Variants in RPS7 observed in about 807,000 individuals in gnomAD.
The protein encoded by RPS7 is ribosomal protein S7.
RPS7 carries 1 observed loss-of-function variant against 22.1 expected under a neutral mutation model. The observed-to-expected ratio is 0.05, with a 90% confidence interval of 0.02 to 0.21. The LOEUF is 0.21. Among genes scored for constraint, RPS7 ranks in the 10% least tolerant of loss-of-function variants. The pLI is 1.00. For missense variants in RPS7, 137 were observed against 246.4 expected (o/e 0.56, Z 2.97); for synonymous variants, 80 against 92.0 (o/e 0.87, Z 0.74).
intron 6 of RPS7, chr2:3,580,563 G>A: frequency 1.6e-6 from 1 of 622,150 alleles, no homozygotes; most frequent in South Asian, 2.0e-5. Flanking sequence ...GTCTTGGGGG[G>A]ACATAACCAT....
Position 3,580,218 on chromosome 2 carries a change from G to C in RPS7, c.465G>C (p.Lys155Asn). The change falls in exon 6 of 7, where the codon AAG becomes AAC. Residue 155 changes from lysine to asparagine, a missense_variant. Transcript: ENST00000645674. ...RVKLDGSRLI[K>N]VHLDKAQQNN... The stretch of plus-strand genomic sequence containing the variant: ...AACTAGATGGCAGCCGGCTCATAAA[G>C]GTTCATTTGGACAAAGCACAGCAGA... The C allele has an allele frequency of 6.2e-7, 1 of 1,613,600 alleles. No homozygotes were observed.
intron 3 of RPS7, 56 bp from the exon 4 acceptor site, chr2:3,576,431 C>T (rs1422359143): frequency 2.0e-6 from 3 of 1,516,592 alleles, no homozygotes; most frequent in Admixed American, 3.3e-5. Flanking sequence ...CTAATTTGAC[C>T]ACAACGTTTA....
chr2:3,576,737 A>C (rs1272775767), intron 4 of RPS7, 107 bp downstream of exon 4: 1 of 1,298,838 alleles, frequency 7.7e-7, no homozygotes, highest in Non-Finnish European at 1.1e-6. Flanking sequence ...CCTTTTATGA[A>C]TCCAATTGGG....
intron 4 of RPS7, chr2:3,577,287 G>GAT (rs1420011483): frequency 3.7e-5 from 7 of 188,718 alleles, no homozygotes; most frequent in African/African-American, 1.4e-4. Flanking sequence ...AGTGAGCCGA[G>GAT]ATCCCGCCAC....
chr2:3,576,067 C>T, intron 3 of RPS7, 179 bp downstream of exon 3: 1 of 656,778 alleles, frequency 1.5e-6, no homozygotes, highest in Non-Finnish European at 2.8e-6. Flanking sequence ...AGTGGGGTTG[C>T]AGGTACCCTG....
chr2:3,575,706 C>T (rs1357656406), intron 2 of RPS7, 22 bp downstream of exon 2: 4 of 1,571,432 alleles, frequency 2.5e-6, no homozygotes, highest in Non-Finnish European at 3.5e-6. Flanking sequence ...TCCCTGGGGT[C>T]TGGGGTGGGG....
At chr2:3,576,856 G>A in intron 4 of RPS7, 2 of 625,490 alleles carry the variant, frequency 3.2e-6, no homozygotes, top group Non-Finnish European at 5.8e-6. Flanking sequence ...AACATGGTAA[G>A]ACCCTGTCTA....
Position 3,580,199 on chromosome 2 carries a change from A to G in RPS7, c.446A>G (p.Asp149Gly). ...IVGKRIRVKLDGSRLIKVHLD... is the reference protein window; with the variant it reads ...IVGKRIRVKLGGSRLIKVHLD... ...GGCAAGAGAATCCGCGTCAAACTAG[A>G]TGGCAGCCGGCTCATAAAGGTTCAT... Residue 149 changes from aspartate (D) to glycine (G), a missense_variant, in exon 6 of 7, where the codon GAT becomes GGT. Physicochemically the swap from Asp to Gly is moderately conservative, Grantham distance 94. Around this residue, in one of 2 missense-constraint regions of RPS7, gnomAD observed 74 missense variants for 171.4 expected, o/e 0.43. Coordinates refer to ENST00000645674, the MANE Select transcript of RPS7 (RefSeq NM_001011.4). The G allele has an allele frequency of 6.2e-7, 1 of 1,613,554 alleles. No homozygotes were observed. The highest frequency in any genetic ancestry group is 1.7e-5 in the Admixed American group (1 of 59,942).
At position 3,577,745 on chromosome 2, in the gene RPS7, T is replaced by C. The variant is rs1661316408; in HGVS notation, c.327T>C (p.Arg109=). Reference sequence around the variant, plus strand: ...TGCCTAAGCCAACTCGAAAAAGCCGTACAAAAAATAAGCAAAAGCGTCCCA... The same window carrying C: ...TGCCTAAGCCAACTCGAAAAAGCCGCACAAAAAATAAGCAAAAGCGTCCCA... ...RILPKPTRKS[R]TKNKQKRPRS... The change falls in exon 5 of 7, where the codon CGT becomes CGC. Residue 109 remains arginine (R), a synonymous_variant. Transcript: ENST00000645674. 1.9e-6 allele frequency: 3 copies of C among 1,613,110 alleles called. No individual in the cohort carries two copies. In the South Asian group the frequency reaches 3.3e-5, roughly 18 times the overall value.
chr2:3,580,412 T>C lies in RPS7; in HGVS notation c.507+152T>C, dbSNP rs897214835. ...CTTCAGCCTGCTCTCCTTTGGATTA[T>C]GTGTCAGGTGTTAAATGGAGATGTT... On this transcript the variant is annotated intron_variant, in intron 6 of 6. Coordinates refer to ENST00000645674, the MANE Select transcript of RPS7 (RefSeq NM_001011.4). 1.4e-5 allele frequency: 10 copies of C among 740,588 alleles called. No individual in the cohort carries two copies. The African/African-American group carries it at 1.6e-4, about 12-fold the overall frequency. 45.9% of individuals were successfully genotyped at this position (740,588 alleles called of 1,614,324 possible).
rs1159803152 is a variant in RPS7, at chr2:3,578,099, G to A, written c.356+325G>A. ...ATAGCATGCTAGACACAGTTGACAT[G>A]GGCTTGGATTTATCTTTGATTTTTA... On this transcript the variant is annotated intron_variant, in intron 5 of 6. Coordinates refer to ENST00000645674, the MANE Select transcript of RPS7 (RefSeq NM_001011.4). The A allele has an allele frequency of 1.6e-5, 4 of 245,640 alleles. No individual in the cohort carries two copies. The East Asian group carries it at 2.5e-4, about 16-fold the overall frequency. The allele number at this position is 245,640 out of a possible 1,614,324, so 15.2% of individuals were successfully genotyped here.
Position 3,575,322 on chromosome 2 carries a change from G to A in RPS7, c.-47G>A. 2 of 494,192 alleles carry A rather than the reference G, an allele frequency of 4.0e-6. No individual in the cohort carries two copies. The highest frequency in any genetic ancestry group is 7.2e-6 in the Non-Finnish European group (2 of 276,858). 30.6% of individuals were successfully genotyped at this position (494,192 alleles called of 1,614,324 possible). On this transcript the variant is annotated 5_prime_UTR_variant, in exon 1 of 7. Coordinates refer to ENST00000645674, the MANE Select transcript of RPS7 (RefSeq NM_001011.4). ...TTTTGACGTGCTCTCGCGAGATTTG[G>A]GTCTCTTCCTAAGCCGGCGCTCGGC...
chr2:3,576,073 C>G (rs1661271718), intron 3 of RPS7, 185 bp downstream of exon 3: 1 of 651,496 alleles, frequency 1.5e-6, no homozygotes, highest in Non-Finnish European at 2.8e-6. Context: ...GTTGCAGGTA[C>G]CCTGCGGCTT....
chr2:3,575,788 G>C (rs749847702), intron 2 of RPS7, 29 bp from the exon 3 acceptor site: 1 of 1,608,224 alleles, frequency 6.2e-7, no homozygotes, highest in Non-Finnish European at 8.5e-7. Context: ...GCGCGCTCAG[G>C]GTCGGTCCTG....
In RPS7 at chr2:3,580,905, T is replaced by C. The variant is rs1661392498; in HGVS notation, c.*23T>C. 2.3e-6 allele frequency: 3 copies of C among 1,305,646 alleles called. No individual in the cohort carries two copies. The highest frequency in any genetic ancestry group is 2.2e-6 in the Non-Finnish European group (2 of 907,950). The allele number at this position is 1,305,646 out of a possible 1,614,324, so 80.9% of individuals were successfully genotyped here. On this transcript the variant is annotated 3_prime_UTR_variant, in exon 7 of 7. Coordinates refer to ENST00000645674, the MANE Select transcript of RPS7 (RefSeq NM_001011.4). ...TAAACAAAAATGACTAAATAAAAAG[T>C]ATATATTCACAGTACTCTGTTTCAG... is the stretch of plus-strand genomic sequence containing the variant.
At chr2:3,576,337 C>G in intron 3 of RPS7, 150 bp from the exon 4 acceptor site, 1 of 766,508 alleles carries the variant, frequency 1.3e-6, no homozygotes, top group Non-Finnish European at 2.3e-6. Flanking sequence ...GAGAACATTT[C>G]CGAAGGATGC....
chr2:3,580,090 C>CT lies in RPS7; in HGVS notation c.357-16dup, dbSNP rs1314041858. ...GGGCAGGCGTTGCTAGGTTGCTTAC[C>CT]TTTTAAACTATTCTTTTAGCCGTAC... On this transcript the variant is annotated intron_variant, in intron 5 of 6. Transcript: ENST00000645674. The CT allele has an allele frequency of 1.7e-5, 27 of 1,613,386 alleles. No homozygotes were observed. The African/African-American group carries it at 3.5e-4, about 21-fold the overall frequency.
rs776384440 is a variant in RPS7 at position 3,576,618 on chromosome 2, C to T, written c.279C>T (p.Val93=). Residue 93 remains valine, a synonymous_variant, in exon 4 of 7, where the codon GTC becomes GTT. Transcript: ENST00000645674. ...LEKKFSGKHV[V]FIAQRRILPK... ...AAAAGTTCAGTGGGAAGCATGTCGT[C>T]TTTATCGCTCAGGTATCTGTTCTAC... is the stretch of plus-strand genomic sequence containing the variant. 7 of 1,614,186 alleles carry T rather than the reference C, an allele frequency of 4.3e-6. No individual in the cohort carries two copies. Among genetic ancestry groups the T allele is most frequent in the South Asian group, 2.2e-5 (2 of 91,088 alleles).
chr2:3,578,821 T>G (rs553982512), intron 5 of RPS7: 1 of 152,310 alleles, frequency 6.6e-6, no homozygotes, highest in South Asian at 2.1e-4. Flanking sequence ...AATCCATAGC[T>G]TTAGTTTCCC....
Sources: gnomAD v4.1 joint callset for allele counts on GRCh38, gnomAD v4.1.1 for gene constraint, gnomAD v4.1.1 regional missense constraint, MANE v1.5 for transcripts, NCBI Gene and HGNC (gene_info 2026-07-23, HGNC 2026-07-21) for gene names.